RNF24: variants seen among roughly 807,000 people sequenced by gnomAD.
RNF24 encodes the protein ring finger protein 24.
Under a neutral mutation model 20.0 loss-of-function variants are expected in RNF24, and 14 were observed. The ratio of observed to expected loss-of-function variants is 0.70; its 90% CI spans 0.46 to 1.10. RNF24 has a LOEUF of 1.10. Ranked by LOEUF, RNF24 falls within the 50% of genes least tolerant of loss-of-function variation. The probability of loss-of-function intolerance (pLI) is 0.00; values close to 1 mark genes in which losing one functional copy is unlikely to be tolerated. For missense variants in RNF24, 124 were observed against 177.6 expected, an observed-to-expected ratio of 0.70 and a Z score of 1.71; for synonymous variants, 45 against 61.1, an observed-to-expected ratio of 0.74 and a Z score of 1.23.
rs11470036 is a variant in RNF24, at chr20:3,933,063, C to CTTT, written c.*997_*999dup. On this transcript the variant is annotated 3_prime_UTR_variant, in exon 6 of 6. Transcript: ENST00000358395. The stretch of plus-strand genomic sequence containing the variant: ...AAAGTGTTAAAAAGTGAATGACAGG[C>CTTT]TTTTTTTTTTTTTTTTTTTTTTTTC... 9.1e-5 allele frequency: 28 copies of CTTT among 307,034 alleles called. 1 individual carries two copies. Among genetic ancestry groups the CTTT allele is most frequent in the East Asian group, 4.9e-4 (11 of 22,292 alleles). The allele number at this position is 307,034 out of a possible 1,614,324, so 19.0% of individuals were successfully genotyped here.
At chr20:4,014,079 C>T (rs1052889712) in intron 1 of RNF24, among the ~76,000 whole-genome samples, 1 of 152,190 alleles carries the variant, frequency 6.6e-6, no homozygotes, top group African/African-American at 2.4e-5. Context: ...GAACCTACAG[C>T]GCTTCCTTCT....
chr20:3,966,160 G>C (rs1231433141), intron 1 of RNF24, among the ~76,000 whole-genome samples: 1 of 102,152 alleles, frequency 9.8e-6, no homozygotes, highest in African/African-American at 3.7e-5. Context: ...AAAAAAAAAA[G>C]AAGAAAATAA....
chr20:4,002,468 T>C (rs9784189), intron 1 of RNF24, among the ~76,000 whole-genome samples: 24,019 of 152,034 alleles, frequency 0.16, 2,150 homozygotes, highest in African/African-American at 0.24. Context: ...ATGAAACAAA[T>C]GTGGCAAAAC....
At chr20:4,013,626 C>T (rs1982641563) in intron 1 of RNF24, among the ~76,000 whole-genome samples, 1 of 152,004 alleles carries the variant, frequency 6.6e-6, no homozygotes, top group Non-Finnish European at 1.5e-5. Flanking sequence ...GAATTACAGG[C>T]GCTCGCCACC....
chr20:3,999,070 A>G lies in RNF24; in HGVS notation c.-8+16367T>C, dbSNP rs182575931. Among the ~76,000 whole-genome samples the G allele has an allele frequency of 4.9e-4, 75 of 152,314 alleles. No homozygotes were observed. The East Asian group carries it at 0.013, about 26-fold the overall frequency. On this transcript the variant is annotated intron_variant, in intron 1 of 5. Coordinates refer to ENST00000358395, the MANE Select transcript of RNF24 (RefSeq NM_001134337.3). ...ACTCAGGCCTGGGTGACAGAGCAAG[A>G]CTCTGTCTCAAAAAACAAAACAAAA...
At chr20:3,966,868 A>G (rs899833541) in intron 1 of RNF24, among the ~76,000 whole-genome samples, 1 of 152,236 alleles carries the variant, frequency 6.6e-6, no homozygotes, top group Admixed American at 6.5e-5. Flanking sequence ...GGGAAGAGAC[A>G]TCTGCCTTAG....
chr20:3,966,469 A>AGTGTGTGTGTGTGTGTGTGTGTGTGT (rs72006955), intron 1 of RNF24, among the ~76,000 whole-genome samples: 2,596 of 128,966 alleles, frequency 0.02, 84 homozygotes, highest in Non-Finnish European at 0.029. Flanking sequence ...TTAAGGCTTT[A>AGTGTGTGTGTGTGTGTGTGTGTGTGT]GTGTGTGTGT....
chr20:3,936,617 G>A (rs2090894238), intron 4 of RNF24, among the ~76,000 whole-genome samples: 2 of 152,210 alleles, frequency 1.3e-5, no homozygotes, highest in Non-Finnish European at 2.9e-5. Context: ...CTTCCCACCT[G>A]TAAAGAGGGA....
intron 1 of RNF24, among the ~76,000 whole-genome samples, chr20:3,989,800 T>C (rs1389850730): frequency 2.0e-5 from 3 of 152,172 alleles, no homozygotes; most frequent in African/African-American, 4.8e-5. Flanking sequence ...TTCAAGATGG[T>C]GGCAACTCCA....
At chr20:3,988,049 G>A (rs1370359920) in intron 1 of RNF24, among the ~76,000 whole-genome samples, 2 of 152,076 alleles carry the variant, frequency 1.3e-5, no homozygotes, top group African/African-American at 2.4e-5. Flanking sequence ...CAGGCTGGGC[G>A]TGGTCGCTCA....
chr20:3,976,414 T>A (rs773983328), intron 1 of RNF24, among the ~76,000 whole-genome samples: 8 of 152,216 alleles, frequency 5.3e-5, no homozygotes, highest in South Asian at 4.1e-4. Context: ...TAGAGCACTT[T>A]ATCTTGTTGG....
rs2146929169 is a variant in RNF24, at chr20:3,931,192, C to T, written c.*2871G>A. 1 of 152,320 alleles carries T rather than the reference C, an allele frequency of 6.6e-6. No homozygotes were observed. Among genetic ancestry groups the T allele is most frequent in the South Asian group, 2.1e-4 (1 of 4,828 alleles). The allele number at this position is 152,320 out of a possible 1,614,324, so 9.4% of individuals were successfully genotyped here. On this transcript the variant is annotated 3_prime_UTR_variant, in exon 6 of 6. Transcript: ENST00000358395. Reference sequence around the variant, plus strand: ...TTATGCTCCACTAACCCATAGCAGACCAGCAACATTCTATCTTTGAGCTGC... The same window carrying T: ...TTATGCTCCACTAACCCATAGCAGATCAGCAACATTCTATCTTTGAGCTGC...
chr20:4,007,845 G>A (rs943780917), intron 1 of RNF24, among the ~76,000 whole-genome samples: 1 of 151,436 alleles, frequency 6.6e-6, no homozygotes, highest in Non-Finnish European at 1.5e-5. Flanking sequence ...GAGCCCTGGA[G>A]GTTAAGGCTG....
chr20:3,999,915 T>G (rs888075582), intron 1 of RNF24, among the ~76,000 whole-genome samples: 1 of 152,136 alleles, frequency 6.6e-6, no homozygotes, highest in Non-Finnish European at 1.5e-5. Context: ...AAAGGATACA[T>G]TTTTAAAATC....
At chr20:3,947,135 A>G (rs1307851181) in intron 3 of RNF24, among the ~76,000 whole-genome samples, 2 of 152,170 alleles carry the variant, frequency 1.3e-5, no homozygotes, top group African/African-American at 4.8e-5. Context: ...CGGAGGTTGC[A>G]TTGAGCTGAG....
At chr20:3,954,155 A>G (rs1388173614) in intron 2 of RNF24, among the ~76,000 whole-genome samples, 1 of 152,172 alleles carries the variant, frequency 6.6e-6, no homozygotes, top group Non-Finnish European at 1.5e-5. Flanking sequence ...TGTACTCACA[A>G]TGTTGTCCAT....
chr20:3,987,643 TATG>T (rs969871425), intron 1 of RNF24, among the ~76,000 whole-genome samples: 47 of 152,200 alleles, frequency 3.1e-4, no homozygotes, highest in African/African-American at 1.1e-3. Context: ...ACAAAACAAA[TATG>T]ATTCTTAAAA....
chr20:3,943,650 A>G (rs560324872), intron 4 of RNF24, among the ~76,000 whole-genome samples: 8 of 152,212 alleles, frequency 5.3e-5, no homozygotes, highest in Non-Finnish European at 1.2e-4. Context: ...CTAGATACAA[A>G]TGACCAGCGA....
intron 1 of RNF24, among the ~76,000 whole-genome samples, chr20:3,980,220 T>C (rs1231861877): frequency 6.6e-6 from 1 of 152,200 alleles, no homozygotes; most frequent in Non-Finnish European, 1.5e-5. Flanking sequence ...CAGACCCCAA[T>C]GGCAATGAAA....
Sources: allele counts gnomAD v4.1 joint callset (sites outside exome capture counted in the v4.1 genomes callset), GRCh38; gene constraint gnomAD v4.1.1; transcripts MANE v1.5; gene names NCBI Gene and HGNC (gene_info 2026-07-23, HGNC 2026-07-21).